The following NKAIN2 variants were observed in gnomAD, a reference collection of about 807,000 sequenced individuals.
NKAIN2 encodes sodium/potassium-transporting ATPase subunit beta-1-interacting protein 2.
A neutral mutation model predicts 32.6 loss-of-function variants in NKAIN2; 14 were observed. The ratio of observed to expected loss-of-function variants is 0.43; its 90% confidence interval spans 0.28 to 0.67. The LOEUF (loss-of-function observed/expected upper bound fraction) is 0.67, where lower values mean the gene tolerates loss of function less well. Among genes scored for constraint, NKAIN2 ranks in the 30% least tolerant of loss-of-function variants. The probability of loss-of-function intolerance (pLI) is 0.17; values close to 1 mark genes in which losing one functional copy is unlikely to be tolerated. For missense variants in NKAIN2, 198 were observed against 258.3 expected, an observed-to-expected ratio of 0.77 and a Z score of 1.60; for synonymous variants, 80 against 87.2, an observed-to-expected ratio of 0.92 and a Z score of 0.46.
intron 4 of NKAIN2, among the ~76,000 whole-genome samples, chr6:124,700,673 C>G (rs532957515): frequency 6.6e-6 from 1 of 152,028 alleles, no homozygotes; most frequent in Non-Finnish European, 1.5e-5. Context: ...TAGAGGCTAA[C>G]TTAACTTATA....
At chr6:124,477,361 G>C (rs1437519824) in intron 3 of NKAIN2, among the ~76,000 whole-genome samples, 3 of 152,118 alleles carry the variant, frequency 2.0e-5, no homozygotes, top group African/African-American at 7.2e-5. Flanking sequence ...AGGGAGAAGG[G>C]AGATGGGCCA....
intron 5 of NKAIN2, among the ~76,000 whole-genome samples, chr6:124,811,375 C>T (rs1412866798): frequency 1.3e-5 from 2 of 152,108 alleles, no homozygotes; most frequent in East Asian, 3.9e-4. Flanking sequence ...TACAATACCT[C>T]ATTGCCAACA....
intron 5 of NKAIN2, among the ~76,000 whole-genome samples, chr6:124,793,749 T>C (rs970747320): frequency 6.6e-6 from 1 of 151,904 alleles, no homozygotes; most frequent in Non-Finnish European, 1.5e-5. Context: ...CACATTTATA[T>C]ATTAACATTT....
At chr6:123,836,163 A>G (rs576120323) in intron 1 of NKAIN2, among the ~76,000 whole-genome samples, 4 of 152,196 alleles carry the variant, frequency 2.6e-5, no homozygotes, top group African/African-American at 4.8e-5. Context: ...TAAAAATATT[A>G]CTATCTTTAG....
At chr6:124,305,532 G>A (rs1238795341) in intron 2 of NKAIN2, among the ~76,000 whole-genome samples, 3 of 152,058 alleles carry the variant, frequency 2.0e-5, no homozygotes, top group African/African-American at 7.2e-5. Flanking sequence ...GTTTGACAAG[G>A]AAATAAATAA....
At chr6:124,563,877 A>T (rs1038580465) in intron 3 of NKAIN2, among the ~76,000 whole-genome samples, 28 of 151,138 alleles carry the variant, frequency 1.9e-4, no homozygotes, top group Admixed American at 1.2e-3. Flanking sequence ...AAGAGGGGAC[A>T]GGGTGTATCA....
intron 2 of NKAIN2, among the ~76,000 whole-genome samples, chr6:124,317,970 G>A (rs1459835315): frequency 6.6e-6 from 1 of 151,860 alleles, no homozygotes; most frequent in Non-Finnish European, 1.5e-5. Flanking sequence ...GATTTGTTCT[G>A]ATCATCCTTA....
chr6:124,551,016 C>A (rs937945286), intron 3 of NKAIN2, among the ~76,000 whole-genome samples: 2 of 152,074 alleles, frequency 1.3e-5, no homozygotes, highest in Admixed American at 1.3e-4. Context: ...TTGGGAAATT[C>A]GGGGGTCATA....
chr6:123,913,692 C>T (rs1775336705), intron 1 of NKAIN2, among the ~76,000 whole-genome samples: 1 of 152,004 alleles, frequency 6.6e-6, no homozygotes, highest in African/African-American at 2.4e-5. Flanking sequence ...TTATTTGTAT[C>T]CTGAGATTTA....
chr6:124,247,032 C>A lies in NKAIN2; in HGVS notation c.55-35973C>A, dbSNP rs2626089. On this transcript the variant is annotated intron_variant, in intron 1 of 6. Transcript: ENST00000368417. ...TCTGGCAGGTCTTTGCACATAATTT[C>A]TACATTTCAGAACCAGCAGGGAGAT... Among the ~76,000 whole-genome samples, 72 of 152,024 alleles carry A rather than the reference C, an allele frequency of 4.7e-4. 1 individual carries two copies. In the South Asian group the frequency reaches 0.011, roughly 24 times the overall value.
At chr6:124,759,658 CCCT>C (rs1298121536) in intron 4 of NKAIN2, among the ~76,000 whole-genome samples, 2 of 66,054 alleles carry the variant, frequency 3.0e-5, no homozygotes, top group African/African-American at 7.7e-5. Context: ...CACACACACC[CCCT>C]ATCTCCCTTT....
At position 123,850,190 on chromosome 6, in the gene NKAIN2, C is replaced by T. The variant is rs552522774; in HGVS notation, c.54+45936C>T. Among the ~76,000 whole-genome samples the T allele has an allele frequency of 9.2e-5, 14 of 151,450 alleles. 1 individual carries two copies. Among genetic ancestry groups the T allele is most frequent in the Admixed American group, 9.2e-4 (14 of 15,204 alleles). ...ATGTGATCAGATCTCTCTCCTGGTG[C>T]TCATTTCAGAACATTCTCCTGAGCT... On this transcript the variant is annotated intron_variant, in intron 1 of 6. Transcript: ENST00000368417.
At chr6:124,188,676 G>A (rs565250733) in intron 1 of NKAIN2, among the ~76,000 whole-genome samples, 54 of 152,124 alleles carry the variant, frequency 3.5e-4, no homozygotes, top group Admixed American at 1.2e-3. Flanking sequence ...ATGCATTTGA[G>A]ATACTCACTA....
intron 3 of NKAIN2, among the ~76,000 whole-genome samples, chr6:124,472,532 G>A (rs946996338): frequency 1.3e-5 from 2 of 152,052 alleles, no homozygotes; most frequent in African/African-American, 4.8e-5. Context: ...AGGAAACGGG[G>A]AGGAAGAATT....
intron 4 of NKAIN2, among the ~76,000 whole-genome samples, chr6:124,661,704 C>A (rs1351437775): frequency 6.6e-6 from 1 of 152,072 alleles, no homozygotes; most frequent in African/African-American, 2.4e-5. Context: ...CCTTCTCCAG[C>A]CATATTTTCT....
At chr6:124,172,974 A>C (rs901517711) in intron 1 of NKAIN2, among the ~76,000 whole-genome samples, 1 of 152,062 alleles carries the variant, frequency 6.6e-6, no homozygotes, top group East Asian at 1.9e-4. Context: ...CCTCATATAC[A>C]CTCAAAGCTT....
intron 3 of NKAIN2, among the ~76,000 whole-genome samples, chr6:124,495,894 T>A (rs1300306653): frequency 6.6e-6 from 1 of 152,114 alleles, no homozygotes; most frequent in Non-Finnish European, 1.5e-5. Flanking sequence ...TTTGAGATGT[T>A]GGTGAAATTT....
intron 3 of NKAIN2, among the ~76,000 whole-genome samples, chr6:124,460,993 T>G (rs1478040905): frequency 6.6e-6 from 1 of 151,770 alleles, no homozygotes; most frequent in Non-Finnish European, 1.5e-5. Context: ...TTTTTTAAGT[T>G]TTTTAAAGTT....
At chr6:124,226,088 A>C (rs1562434845) in intron 1 of NKAIN2, among the ~76,000 whole-genome samples, 1 of 152,084 alleles carries the variant, frequency 6.6e-6, no homozygotes, top group Non-Finnish European at 1.5e-5. Flanking sequence ...GAGAGAATGG[A>C]CACTGTCAAT....
Sources: allele counts gnomAD v4.1 joint callset (sites outside exome capture counted in the v4.1 genomes callset), GRCh38; gene constraint gnomAD v4.1.1; transcripts MANE v1.5; gene names NCBI Gene and HGNC (gene_info 2026-07-23, HGNC 2026-07-21).